The following CALN1 variants were observed in gnomAD, a reference collection of about 807,000 sequenced individuals.
The protein encoded by CALN1 is calcium-binding protein 8.
Under a neutral mutation model 30.6 loss-of-function variants are expected in CALN1, and 17 were observed. The observed-to-expected ratio is 0.56, with a 90% CI of 0.38 to 0.83. CALN1 has a LOEUF of 0.83. Among genes scored for constraint, CALN1 ranks in the 40% least tolerant of loss-of-function variants. The pLI is 0.00. For synonymous variants in CALN1, 156 were observed against 131.4 expected (o/e 1.19, Z -1.28); for missense variants, 291 against 354.9 (o/e 0.82, Z 1.45).
chr7:71,979,100 A>AGGG (rs573305255), intron 5 of CALN1, among the ~76,000 whole-genome samples: 5 of 152,082 alleles, frequency 3.3e-5, no homozygotes, highest in Middle Eastern at 3.2e-3. Flanking sequence ...CCCTTAGCTA[A>AGGG]GGGGTCCTCC....
At chr7:72,099,667 T>A (rs1478192548) in intron 4 of CALN1, among the ~76,000 whole-genome samples, 1 of 152,130 alleles carries the variant, frequency 6.6e-6, no homozygotes, top group Non-Finnish European at 1.5e-5. Context: ...TGTATAAATT[T>A]TTGTGGCAGC....
the CALN1 span, among the ~76,000 whole-genome samples, chr7:72,464,991 A>C: frequency 0.29 from 44,743 of 152,028 alleles, 7,828 homozygotes; most frequent in African/African-American, 0.47. Flanking sequence ...GTACTCAGGC[A>C]CAGCCTCAGG....
At chr7:72,278,864 C>T in intron 2 of CALN1, 54 bp from the exon 3 acceptor site, 1 of 1,574,654 alleles carries the variant, frequency 6.4e-7, no homozygotes, top group Non-Finnish European at 8.7e-7. Context: ...ATTCATTCTT[C>T]CTTTCCTTTC....
intron 5 of CALN1, among the ~76,000 whole-genome samples, chr7:71,978,467 G>C (rs1180996585): frequency 6.6e-6 from 1 of 151,678 alleles, no homozygotes; most frequent in East Asian, 1.9e-4. Context: ...GTAGAGACGG[G>C]GTTTCACCGT....
chr7:71,832,255 G>C (rs1021844832), intron 5 of CALN1, among the ~76,000 whole-genome samples: 1 of 152,144 alleles, frequency 6.6e-6, no homozygotes, highest in Non-Finnish European at 1.5e-5. Context: ...GACTTGTCTC[G>C]TTCTGGACAG....
At chr7:71,997,606 C>T (rs974499048) in intron 5 of CALN1, among the ~76,000 whole-genome samples, 5 of 152,052 alleles carry the variant, frequency 3.3e-5, no homozygotes, top group Admixed American at 6.5e-5. Context: ...TCCAAATAAG[C>T]CTATGCAAAA....
At chr7:72,085,745 G>A (rs1805443584) in intron 4 of CALN1, among the ~76,000 whole-genome samples, 1 of 152,138 alleles carries the variant, frequency 6.6e-6, no homozygotes, top group South Asian at 2.1e-4. Context: ...CTGAACTCAA[G>A]AGCTTTACAT....
chr7:72,150,127 CAAAAA>C (rs61261132), intron 3 of CALN1, among the ~76,000 whole-genome samples: 15 of 137,188 alleles, frequency 1.1e-4, no homozygotes, highest in Non-Finnish European at 1.9e-4. Flanking sequence ...AACTCCATCT[CAAAAA>C]AAAAAAAAAA....
intron 3 of CALN1, among the ~76,000 whole-genome samples, chr7:72,166,159 T>G (rs564197511): frequency 1.3e-5 from 2 of 152,314 alleles, no homozygotes; most frequent in South Asian, 4.1e-4. Context: ...CAAAGGTGTC[T>G]CAGGAGGTGA....
chr7:71,877,863 T>C (rs932804870), intron 5 of CALN1, among the ~76,000 whole-genome samples: 2 of 152,184 alleles, frequency 1.3e-5, no homozygotes, highest in Non-Finnish European at 2.9e-5. Flanking sequence ...TGAGGGGCAT[T>C]GATTTTATGA....
At chr7:72,294,182 C>A (rs974812855) in intron 2 of CALN1, among the ~76,000 whole-genome samples, 5 of 152,098 alleles carry the variant, frequency 3.3e-5, no homozygotes, top group African/African-American at 1.2e-4. Flanking sequence ...ACACTATCTC[C>A]ACCTCCCGCC....
chr7:72,307,016 C>T (rs1799702777), intron 2 of CALN1, among the ~76,000 whole-genome samples: 1 of 152,174 alleles, frequency 6.6e-6, no homozygotes, highest in Non-Finnish European at 1.5e-5. Flanking sequence ...CAGTTCAGTC[C>T]ACAGCACTAA....
chr7:72,014,727 T>A (rs1800281189), intron 5 of CALN1, among the ~76,000 whole-genome samples: 2 of 152,220 alleles, frequency 1.3e-5, no homozygotes, highest in African/African-American at 4.8e-5. Flanking sequence ...AGTGGCATGA[T>A]CATGGCTCCC....
chr7:71,994,204 A>C (rs190756044), intron 5 of CALN1, among the ~76,000 whole-genome samples: 7 of 152,206 alleles, frequency 4.6e-5, no homozygotes, highest in African/African-American at 1.7e-4. Flanking sequence ...AATGTAAATA[A>C]AAACTGTTTA....
intron 5 of CALN1, among the ~76,000 whole-genome samples, chr7:72,005,939 T>C (rs1799751177): frequency 6.6e-6 from 1 of 152,208 alleles, no homozygotes; most frequent in Non-Finnish European, 1.5e-5. Flanking sequence ...CACTTTCACA[T>C]GTGAGTACAA....
At chr7:72,470,755 T>C in the CALN1 span, among the ~76,000 whole-genome samples, 3 of 152,322 alleles carry the variant, frequency 2.0e-5, no homozygotes, top group African/African-American at 4.8e-5. Flanking sequence ...AGTCCACAAA[T>C]AGTGTTTTTG....
chr7:71,905,709 G>C (rs1794096534), intron 5 of CALN1, among the ~76,000 whole-genome samples: 1 of 152,044 alleles, frequency 6.6e-6, no homozygotes, highest in African/African-American at 2.4e-5. Context: ...CCAGTCACCA[G>C]AGGTACCTGG....
At chr7:72,096,128 A>G (rs1806216428) in intron 4 of CALN1, among the ~76,000 whole-genome samples, 1 of 152,170 alleles carries the variant, frequency 6.6e-6, no homozygotes, top group Non-Finnish European at 1.5e-5. Flanking sequence ...ATTCTGATTC[A>G]GCAAGTCAGG....
chr7:72,080,528 G>C (rs1262887061), intron 4 of CALN1, among the ~76,000 whole-genome samples: 1 of 152,198 alleles, frequency 6.6e-6, no homozygotes, highest in Non-Finnish European at 1.5e-5. Flanking sequence ...TCTGTGGAAT[G>C]AACAAGCTGG....
Sources: allele counts gnomAD v4.1 joint callset (sites outside exome capture counted in the v4.1 genomes callset), GRCh38; gene constraint gnomAD v4.1.1; transcripts MANE v1.5; gene names NCBI Gene and HGNC (gene_info 2026-07-23, HGNC 2026-07-21).